Variants in GLI4 observed in about 807,000 individuals in gnomAD.
GLI4 encodes the protein GLI family zinc finger 4.
Under a neutral mutation model 30.9 loss-of-function variants are expected in GLI4, and 34 were observed. The ratio of observed to expected loss-of-function variants is 1.10; its 90% CI spans 0.84 to 1.47. The LOEUF (loss-of-function observed/expected upper bound fraction) is 1.47, where lower values mean the gene tolerates loss of function less well. Among genes scored for constraint, GLI4 ranks in the 40% most tolerant of loss-of-function variants. GLI4 has a pLI of 0.00. For synonymous variants in GLI4, 277 were observed against 236.7 expected, an observed-to-expected ratio of 1.17 and a Z score of -1.56; for missense variants, 696 against 538.9, an observed-to-expected ratio of 1.29 and a Z score of -2.89.
intron 1 of GLI4, among the ~76,000 whole-genome samples, chr8:143,268,674 A>G (rs1815194522): frequency 1.3e-5 from 2 of 152,358 alleles, no homozygotes; most frequent in South Asian, 4.1e-4. Flanking sequence ...GTTTTTCTGG[A>G]AGACTCCCTA....
chr8:143,275,800 C>A (rs1488335634), intron 3 of GLI4, 97 bp from the exon 4 acceptor site: 4 of 1,245,112 alleles, frequency 3.2e-6, no homozygotes, highest in Non-Finnish European at 4.0e-6. Flanking sequence ...CCCTCTAAGC[C>A]CCCCCGTCCA....
At chr8:143,273,983 G>A (rs1055253967) in intron 2 of GLI4, among the ~76,000 whole-genome samples, 2 of 152,232 alleles carry the variant, frequency 1.3e-5, no homozygotes, top group Non-Finnish European at 2.9e-5. Context: ...GGGCAGTGGA[G>A]CCCACGCCCC....
At chr8:143,275,784 C>T (rs1243345883) in intron 3 of GLI4, 113 bp from the exon 4 acceptor site, 6 of 1,242,140 alleles carry the variant, frequency 4.8e-6, no homozygotes, top group Non-Finnish European at 6.0e-6. Flanking sequence ...CTGGCCCCTC[C>T]TTGTCCCCTC....
chr8:143,267,468 C>G lies in GLI4; in HGVS notation c.-54C>G, dbSNP rs1441711066. On this transcript the variant is annotated 5_prime_UTR_variant, in exon 1 of 4. Coordinates refer to ENST00000340042, the MANE Select transcript of GLI4 (RefSeq NM_138465.4). ...ACACTTCCGTCCGGCGCGCGGCGTC[C>G]TCCTCCCGCTCGGAAGGTGAGTGGG... 6 of 985,650 alleles carry G rather than the reference C, an allele frequency of 6.1e-6. No individual in the cohort carries two copies. The highest frequency in any genetic ancestry group is 7.2e-6 in the Non-Finnish European group (6 of 830,046). 61.1% of individuals were successfully genotyped at this position (985,650 alleles called of 1,614,324 possible). A position where few individuals can be genotyped will look rare whatever the true frequency, so the allele number is the denominator to read the frequency against.
intron 2 of GLI4, among the ~76,000 whole-genome samples, chr8:143,270,425 C>T (rs1165728211): frequency 1.3e-5 from 2 of 152,224 alleles, no homozygotes; most frequent in Admixed American, 6.5e-5. Context: ...CACTCCCCTG[C>T]AGCCCTGCCG....
chr8:143,276,178 T>C lies in GLI4; in HGVS notation c.505T>C (p.Phe169Leu). 6.4e-7 allele frequency: 1 copy of C among 1,556,608 alleles called. No individual in the cohort carries two copies. Among genetic ancestry groups the C allele is most frequent in the Non-Finnish European group, 8.7e-7 (1 of 1,150,884 alleles). Residue 169 changes from phenylalanine to leucine, a missense_variant, in exon 4 of 4, where the codon TTC (phenylalanine) becomes CTC (leucine). Physicochemically the swap from Phe to Leu is conservative, Grantham distance 22. Transcript: ENST00000340042. The stretch of plus-strand genomic sequence containing the variant: ...GCGGGCTGCCGAGCTGGGAGTCAAC[T>C]TCGGTCGGAGCCGGCAGGGCAGCGC... ...PERAAELGVNFGRSRQGSARG... is the reference protein window; with the variant it reads ...PERAAELGVNLGRSRQGSARG...
At chr8:143,275,231 G>A in intron 3 of GLI4, 1 of 1,532,780 alleles carries the variant, frequency 6.5e-7, no homozygotes, top group Non-Finnish European at 8.7e-7. Context: ...CTGTGTCCAG[G>A]TCCCCTGCAC....
At chr8:143,268,602 A>G (rs1187994115) in intron 1 of GLI4, among the ~76,000 whole-genome samples, 1 of 152,186 alleles carries the variant, frequency 6.6e-6, no homozygotes, top group African/African-American at 2.4e-5. Flanking sequence ...ATTTCCTCCA[A>G]AACACTCATG....
rs898042258 is a variant in GLI4 at position 143,276,052 on chromosome 8, G to C, written c.379G>C (p.Ala127Pro). ...GCCTGAATCCAGCGCGGAGCGGCCG[G>C]CGGGCCAGCCGCCTGGGGCCGTCCC... ...FGPESSAERP[A>P]GQPPGAVPCA... Residue 127 changes from alanine to proline, a missense_variant, in exon 4 of 4, where the codon GCG becomes CCG. Coordinates refer to ENST00000340042, the MANE Select transcript of GLI4 (RefSeq NM_138465.4). The C allele has an allele frequency of 1.5e-6, 2 of 1,363,480 alleles. No individual in the cohort carries two copies. The highest frequency in any genetic ancestry group is 1.9e-6 in the Non-Finnish European group (2 of 1,063,940). 84.5% of individuals were successfully genotyped at this position (1,363,480 alleles called of 1,614,324 possible). A position where few individuals can be genotyped will look rare whatever the true frequency, so the allele number is the denominator to read the frequency against.
chr8:143,275,615 C>A (rs1815365869), intron 3 of GLI4: 1 of 1,237,128 alleles, frequency 8.1e-7, no homozygotes, highest in South Asian at 3.8e-5. Context: ...TCTGTCTTGC[C>A]ACTGTGGCTC....
At chr8:143,275,627 G>A (rs373166439) in intron 3 of GLI4, 33 of 1,233,174 alleles carry the variant, frequency 2.7e-5, no homozygotes, top group South Asian at 3.9e-5. Flanking sequence ...CTGTGGCTCC[G>A]TGCACCGGCA....
chr8:143,275,090 C>T (rs1261001124), intron 3 of GLI4: 1 of 1,535,610 alleles, frequency 6.5e-7, no homozygotes, highest in South Asian at 1.2e-5. Flanking sequence ...AGGAACTCCT[C>T]CCTCCCCTCC....
rs1213732365 is a variant in GLI4 at position 143,276,106 on chromosome 8, G to T, written c.433G>T (p.Val145Leu). The change falls in exon 4 of 4, where the codon GTG (valine) becomes TTG (leucine). Residue 145 changes from valine (V) to leucine (L), a missense_variant. By Grantham distance (32) the Val-to-Leu change is conservative. Coordinates refer to ENST00000340042, the MANE Select transcript of GLI4 (RefSeq NM_138465.4). ...CGCCCAGCCGCGGGGCGCCTGGCGC[G>T]TGACGCTCGTGCAGCAAGCAGCGGC... ...PCAQPRGAWR[V>L]TLVQQAAAGP... 3 of 1,446,034 alleles carry T rather than the reference G, an allele frequency of 2.1e-6. No individual in the cohort carries two copies. Among genetic ancestry groups the T allele is most frequent in the Non-Finnish European group, 2.7e-6 (3 of 1,109,628 alleles). 89.6% of individuals were successfully genotyped at this position (1,446,034 alleles called of 1,614,324 possible).
At position 143,267,961 on chromosome 8, in the gene GLI4, C is replaced by T. The variant is rs937436679; in HGVS notation, c.-38+477C>T. 8.1e-6 allele frequency: 8 copies of T among 985,320 alleles called. No individual in the cohort carries two copies. In the African/African-American group the frequency reaches 1.2e-4, roughly 15 times the overall value. The allele number at this position is 985,320 out of a possible 1,614,324, so 61.0% of individuals were successfully genotyped here. A position where few individuals can be genotyped will look rare whatever the true frequency, so the allele number is the denominator to read the frequency against. The stretch of plus-strand genomic sequence containing the variant: ...GAGCCGCTGGCAGGAGTGCCCTTCC[C>T]CCTTCAGTCTGGAGCTCAGAGTTTG... On this transcript the variant is annotated intron_variant, in intron 1 of 3. Coordinates refer to ENST00000340042, the MANE Select transcript of GLI4 (RefSeq NM_138465.4).
In GLI4 at chr8:143,276,022, T is replaced by C; in HGVS notation, c.349T>C (p.Phe117Leu). Residue 117 changes from phenylalanine (F) to leucine (L), a missense_variant, in exon 4 of 4, where the codon TTC (phenylalanine) becomes CTC (leucine). Transcript: ENST00000340042. ...LPRRARCSAGFGPESSAERPA... is the reference protein window; with the variant it reads ...LPRRARCSAGLGPESSAERPA... ...CCGCAGGGCCCGGTGCAGCGCCGGC[T>C]TCGGGCCTGAATCCAGCGCGGAGCG... 1 of 1,406,940 alleles carries C rather than the reference T, an allele frequency of 7.1e-7. No individual in the cohort carries two copies. Among genetic ancestry groups the C allele is most frequent in the Non-Finnish European group, 9.2e-7 (1 of 1,083,180 alleles). The allele number at this position is 1,406,940 out of a possible 1,614,324, so 87.2% of individuals were successfully genotyped here.
intron 3 of GLI4, 74 bp from the exon 4 acceptor site, chr8:143,275,823 C>T (rs1815371493): frequency 1.6e-6 from 2 of 1,251,140 alleles, no homozygotes; most frequent in Non-Finnish European, 2.0e-6. Context: ...TCTGCTCTCA[C>T]TCCCCGTCCC....
intron 2 of GLI4, among the ~76,000 whole-genome samples, chr8:143,271,939 C>G (rs918888567): frequency 2.0e-5 from 3 of 152,228 alleles, no homozygotes; most frequent in African/African-American, 7.2e-5. Context: ...TCTGTGGTCC[C>G]CACGGAGATG....
Position 143,269,355 on chromosome 8 carries a change from CCCAGGTCCCAGGTGTGACACCTTCA to C in GLI4, c.-37-4_-17del, listed in dbSNP as rs1815214202. On this transcript the variant is annotated splice_acceptor_variant and splice_polypyrimidine_tract_variant and 5_prime_UTR_variant and intron_variant, in exon 2 of 4. Transcript: ENST00000340042. LOFTEE classifies it low-confidence loss of function (5UTR_SPLICE). ...CTCATCTGCCATGGTTTTCATTTTC[CCCAGGTCCCAGGTGTGACACCTTCA>C]GCAGGTCTCAGGGAAGATGGCAGCC... The C allele has an allele frequency of 6.3e-7, 1 of 1,596,314 alleles. No individual in the cohort carries two copies. The highest frequency in any genetic ancestry group is 1.1e-5 in the South Asian group (1 of 90,438).
intron 2 of GLI4, among the ~76,000 whole-genome samples, chr8:143,270,866 C>T (rs891729166): frequency 2.2e-4 from 34 of 152,212 alleles, no homozygotes; most frequent in Admixed American, 1.7e-3. Flanking sequence ...ACAGGACACA[C>T]ACTGAGGTGG....
Sources: allele counts gnomAD v4.1 joint callset (sites outside exome capture counted in the v4.1 genomes callset), GRCh38; gene constraint gnomAD v4.1.1; transcripts MANE v1.5; gene names NCBI Gene and HGNC (gene_info 2026-07-23, HGNC 2026-07-21).